Variants in CCDC171 observed in about 807,000 individuals in gnomAD.
The protein encoded by CCDC171 is coiled-coil domain containing 171.
CCDC171 carries 177 observed loss-of-function variants against 168.2 expected under a neutral mutation model. The ratio of observed to expected loss-of-function variants is 1.05; its 90% CI spans 0.93 to 1.19. The LOEUF is 1.19. CCDC171 is among the 50% of genes most tolerant of loss of function. The pLI, the probability that CCDC171 is intolerant of heterozygous loss-of-function variation, is 0.00. For missense variants in CCDC171, 1,991 were observed against 1,539.0 expected, an observed-to-expected ratio of 1.29 and a Z score of -4.91; for synonymous variants, 687 against 540.8, an observed-to-expected ratio of 1.27 and a Z score of -3.75.
At chr9:15,895,722 C>G (rs1053084957) in intron 24 of CCDC171, among the ~76,000 whole-genome samples, 3 of 152,026 alleles carry the variant, frequency 2.0e-5, no homozygotes, top group African/African-American at 7.2e-5. Context: ...TCCTATGGCC[C>G]ACAATTCTGC....
chr9:15,809,325 A>G (rs1238198280), intron 21 of CCDC171, among the ~76,000 whole-genome samples: 2 of 152,226 alleles, frequency 1.3e-5, no homozygotes, highest in Non-Finnish European at 2.9e-5. Context: ...ACGTGTGGCT[A>G]TTGAAATTTA....
intron 3 of CCDC171, among the ~76,000 whole-genome samples, chr9:15,577,910 C>T (rs1447849539): frequency 5.3e-5 from 8 of 152,216 alleles, no homozygotes; most frequent in African/African-American, 1.9e-4. Flanking sequence ...TGCTGTCAAT[C>T]ATTCCACATG....
intron 6 of CCDC171, among the ~76,000 whole-genome samples, chr9:15,610,756 A>G (rs1373529840): frequency 6.6e-6 from 1 of 151,972 alleles, no homozygotes; most frequent in African/African-American, 2.4e-5. Flanking sequence ...ACAGGGTCTC[A>G]CTGTGTTGCC....
chr9:15,952,480 C>G (rs1829308453), intron 25 of CCDC171, among the ~76,000 whole-genome samples: 1 of 152,124 alleles, frequency 6.6e-6, no homozygotes, highest in East Asian at 1.9e-4. Flanking sequence ...TCACTGCAAC[C>G]TCGGTCTGCT....
At position 15,727,570 on chromosome 9, in the gene CCDC171, G is replaced by A. The variant is rs952154507; in HGVS notation, c.1693-299G>A. Among the ~76,000 whole-genome samples, 4 of 152,264 alleles carry A rather than the reference G, an allele frequency of 2.6e-5. No individual in the cohort carries two copies. In the South Asian group the frequency reaches 8.3e-4, roughly 32 times the overall value. On this transcript the variant is annotated intron_variant, in intron 14 of 25. Transcript: ENST00000380701. ...TCGTGTGATAGCTAAGGAAACTTAA[G>A]CCTGAGCAGGTGTTTACTCAAATCA...
intron 21 of CCDC171, among the ~76,000 whole-genome samples, chr9:15,822,346 A>G (rs1005089213): frequency 2.0e-5 from 3 of 151,572 alleles, no homozygotes; most frequent in African/African-American, 7.3e-5. Context: ...ATCTAATTAA[A>G]CTAAAGAGCT....
intron 4 of CCDC171, among the ~76,000 whole-genome samples, chr9:15,584,895 A>T (rs929944600): frequency 6.6e-6 from 1 of 152,212 alleles, no homozygotes; most frequent in African/African-American, 2.4e-5. Context: ...AGGAAAGTGA[A>T]GTCCTGGAAA....
chr9:15,637,840 G>A (rs572377135), intron 7 of CCDC171, among the ~76,000 whole-genome samples: 1 of 151,910 alleles, frequency 6.6e-6, no homozygotes, highest in African/African-American at 2.4e-5. Context: ...TGGTGTATAT[G>A]TGCCACATTT....
chr9:15,631,357 A>G (rs963097121), intron 7 of CCDC171, among the ~76,000 whole-genome samples: 3 of 152,210 alleles, frequency 2.0e-5, no homozygotes, highest in South Asian at 2.1e-4. Context: ...CCGATCCCAC[A>G]GAAATACAAA....
rs891077184 is a variant in CCDC171, at chr9:15,665,833, T to A, written c.916-330T>A. Reference sequence around the variant, plus strand: ...ATATTTTATAAAAGAAGTATCTGAATGGATTAGTAGGTAAAAATTTGAAAC... The same window carrying A: ...ATATTTTATAAAAGAAGTATCTGAAAGGATTAGTAGGTAAAAATTTGAAAC... On this transcript the variant is annotated intron_variant, in intron 8 of 25. Transcript: ENST00000380701. 2.0e-5 allele frequency among the ~76,000 whole-genome samples: 3 copies of A among 152,194 alleles called. No homozygotes were observed. In the East Asian group the frequency reaches 5.8e-4, roughly 29 times the overall value.
At chr9:16,019,028 T>G (rs1833098310) in intron 3 of CCDC171, among the ~76,000 whole-genome samples, 1 of 152,236 alleles carries the variant, frequency 6.6e-6, no homozygotes, top group Non-Finnish European at 1.5e-5. Context: ...AAAGAAGTAG[T>G]GGATTCATTT....
chr9:16,054,164 A>T (rs1299169851), intron 1 of CCDC171, among the ~76,000 whole-genome samples: 1 of 152,218 alleles, frequency 6.6e-6, no homozygotes, highest in Admixed American at 6.5e-5. Flanking sequence ...CTTTGTAGAC[A>T]GCAGCTAGAC....
At chr9:15,659,128 T>C (rs373775002) in intron 8 of CCDC171, among the ~76,000 whole-genome samples, 4 of 152,284 alleles carry the variant, frequency 2.6e-5, no homozygotes, top group Admixed American at 6.5e-5. Context: ...ATAGTGCCCT[T>C]TGAGGATATG....
intron 21 of CCDC171, among the ~76,000 whole-genome samples, chr9:15,843,047 A>C (rs563217510): frequency 1.3e-4 from 20 of 152,086 alleles, no homozygotes; most frequent in African/African-American, 4.6e-4. Flanking sequence ...GCCAGCTTTC[A>C]TTAATAGTAA....
At chr9:15,717,977 G>T (rs946450557) in intron 11 of CCDC171, among the ~76,000 whole-genome samples, 2 of 152,226 alleles carry the variant, frequency 1.3e-5, no homozygotes, top group Non-Finnish European at 2.9e-5. Flanking sequence ...AGGGGACTTT[G>T]TCTTGCAGCT....
chr9:15,958,485 G>A (rs1830022244), intron 25 of CCDC171, among the ~76,000 whole-genome samples: 1 of 133,526 alleles, frequency 7.5e-6, no homozygotes, highest in African/African-American at 2.5e-5. Context: ...ATAAAAGTGT[G>A]TATGGGGTGT....
chr9:15,846,624 T>C, intron 21 of CCDC171, 78 bp from the exon 22 acceptor site: 4 of 1,456,182 alleles, frequency 2.7e-6, no homozygotes, highest in Non-Finnish European at 2.8e-6. Flanking sequence ...TGTATTCTTC[T>C]TTGTTTAATA....
At chr9:15,926,472 C>A (rs1223384566) in intron 25 of CCDC171, among the ~76,000 whole-genome samples, 1 of 151,464 alleles carries the variant, frequency 6.6e-6, no homozygotes, top group Non-Finnish European at 1.5e-5. Context: ...TGATTTGATT[C>A]CACTTCTGAC....
intron 23 of CCDC171, among the ~76,000 whole-genome samples, chr9:15,860,717 C>T (rs912974449): frequency 2.6e-5 from 4 of 151,846 alleles, no homozygotes; most frequent in Admixed American, 6.6e-5. Flanking sequence ...GAGAACAATG[C>T]GTGTTCTGCT....
Sources: gnomAD v4.1 joint callset for allele counts (sites outside exome capture counted in the v4.1 genomes callset) on GRCh38, gnomAD v4.1.1 for gene constraint, MANE v1.5 for transcripts, NCBI Gene and HGNC (gene_info 2026-07-23, HGNC 2026-07-21) for gene names.